ATG10: variants seen among roughly 807,000 people sequenced by gnomAD.
ATG10 encodes the protein autophagy related 10, also known as ubiquitin-like-conjugating enzyme ATG10.
Under a neutral mutation model 32.1 loss-of-function variants are expected in ATG10, and 30 were observed. The ratio of observed to expected loss-of-function variants is 0.94; its 90% CI spans 0.70 to 1.27. The LOEUF (loss-of-function observed/expected upper bound fraction) is 1.27, where lower values mean the gene tolerates loss of function less well. Among genes scored for constraint, ATG10 ranks in the 50% most tolerant of loss-of-function variants. The pLI is 0.00. For missense variants in ATG10, 233 were observed against 262.3 expected, an observed-to-expected ratio of 0.89 and a Z score of 0.77; for synonymous variants, 87 against 91.5, an observed-to-expected ratio of 0.95 and a Z score of 0.28.
intron 3 of ATG10, among the ~76,000 whole-genome samples, chr5:82,106,895 C>T (rs746175381): frequency 2.6e-5 from 4 of 151,770 alleles, no homozygotes; most frequent in African/African-American, 7.3e-5. Context: ...CTGTGGTATC[C>T]GTGGGACCCT....
intron 5 of ATG10, among the ~76,000 whole-genome samples, chr5:82,205,212 A>AACGT (rs1474582786): frequency 2.0e-5 from 3 of 152,184 alleles, no homozygotes; most frequent in African/African-American, 7.2e-5. Context: ...CAGCAACAAC[A>AACGT]ACGTCATTTG....
intron 3 of ATG10, among the ~76,000 whole-genome samples, chr5:82,137,691 G>T (rs575637146): frequency 6.6e-6 from 1 of 152,192 alleles, no homozygotes; most frequent in African/African-American, 2.4e-5. Context: ...AGGCACGGGG[G>T]TCAAGGAGCC....
chr5:82,187,498 G>A (rs1581783426), intron 5 of ATG10, among the ~76,000 whole-genome samples: 1 of 140,648 alleles, frequency 7.1e-6, no homozygotes, highest in Non-Finnish European at 1.5e-5. Flanking sequence ...GGCAGCCTGG[G>A]CAACAGAGTG....
chr5:82,074,384 T>C (rs1764213737), intron 3 of ATG10, among the ~76,000 whole-genome samples: 1 of 152,184 alleles, frequency 6.6e-6, no homozygotes, highest in South Asian at 2.1e-4. Context: ...CTTTTTTCTT[T>C]AAATATGTTA....
rs531038111 is a variant in ATG10 at position 82,002,064 on chromosome 5, A to G, written c.108+14386A>G. On this transcript the variant is annotated intron_variant, in intron 2 of 7. Coordinates refer to ENST00000282185, the MANE Select transcript of ATG10 (RefSeq NM_031482.5). ...ACTCAACATCACTAATCATTAGAGA[A>G]ATGTAAATCAAAACCACAATGAGAT... Among the ~76,000 whole-genome samples the G allele has an allele frequency of 3.7e-4, 57 of 152,360 alleles. 1 individual carries two copies. In the South Asian group the frequency reaches 0.011, roughly 29 times the overall value.
intron 5 of ATG10, among the ~76,000 whole-genome samples, chr5:82,230,997 A>G (rs1424072981): frequency 6.6e-6 from 1 of 152,138 alleles, no homozygotes. Context: ...TTTGAGAAGA[A>G]ATAAACCTTT....
At chr5:82,205,571 G>A (rs1745257153) in intron 5 of ATG10, among the ~76,000 whole-genome samples, 3 of 152,110 alleles carry the variant, frequency 2.0e-5, no homozygotes, top group Admixed American at 1.3e-4. Context: ...GGATTCAGAT[G>A]TATTTTTAGT....
At chr5:82,071,236 G>C (rs1257450786) in intron 3 of ATG10, among the ~76,000 whole-genome samples, 1 of 152,030 alleles carries the variant, frequency 6.6e-6, no homozygotes, top group Non-Finnish European at 1.5e-5. Flanking sequence ...TGATCGTAGG[G>C]GATCTTGGGA....
intron 1 of ATG10, among the ~76,000 whole-genome samples, chr5:81,983,986 G>A (rs1392070081): frequency 3.3e-5 from 5 of 152,222 alleles, no homozygotes; most frequent in South Asian, 2.1e-4. Context: ...AGATGGGATG[G>A]CGGCCGGGCA....
chr5:82,189,507 T>C (rs1400702905), intron 5 of ATG10, among the ~76,000 whole-genome samples: 1 of 152,242 alleles, frequency 6.6e-6, no homozygotes, highest in African/African-American at 2.4e-5. Flanking sequence ...AGTGTTACAC[T>C]AATGTACTCT....
intron 5 of ATG10, among the ~76,000 whole-genome samples, chr5:82,203,625 C>T (rs966333458): frequency 6.6e-6 from 1 of 152,092 alleles, no homozygotes. Context: ...AAAAATTCCA[C>T]TCTAGTTTTT....
At chr5:82,137,736 G>C (rs759941939) in intron 3 of ATG10, among the ~76,000 whole-genome samples, 18 of 152,194 alleles carry the variant, frequency 1.2e-4, no homozygotes, top group Non-Finnish European at 2.4e-4. Context: ...AGCAGAGCTC[G>C]AGTGCTGTGC....
intron 3 of ATG10, among the ~76,000 whole-genome samples, chr5:82,144,371 G>T (rs994687169): frequency 6.6e-6 from 1 of 151,320 alleles, no homozygotes; most frequent in African/African-American, 2.4e-5. Flanking sequence ...TTTGCCCTGG[G>T]TTTACTTTGC....
chr5:82,009,804 A>T, intron 2 of ATG10: 1 of 1,607,168 alleles, frequency 6.2e-7, no homozygotes, highest in South Asian at 1.1e-5. Flanking sequence ...CATGGACAAG[A>T]TGCCAGGACC....
At chr5:82,014,965 C>G (rs1339074683) in intron 2 of ATG10, among the ~76,000 whole-genome samples, 1 of 152,206 alleles carries the variant, frequency 6.6e-6, no homozygotes, top group Non-Finnish European at 1.5e-5. Flanking sequence ...GCAGCTGGTA[C>G]CGGTTGTTCC....
chr5:82,220,992 C>T (rs1745903823), intron 5 of ATG10, among the ~76,000 whole-genome samples: 3 of 152,128 alleles, frequency 2.0e-5, no homozygotes, highest in South Asian at 4.1e-4. Flanking sequence ...CCCCTGACCT[C>T]GTGATCCACC....
chr5:81,983,786 T>C (rs566763825), intron 1 of ATG10, among the ~76,000 whole-genome samples: 30 of 145,454 alleles, frequency 2.1e-4, no homozygotes, highest in African/African-American at 6.7e-4. Context: ...ACTTCTCAGA[T>C]GGGGCGGCCA....
intron 3 of ATG10, among the ~76,000 whole-genome samples, chr5:82,157,374 AT>A (rs1460944162): frequency 1.3e-5 from 2 of 152,150 alleles, no homozygotes; most frequent in African/African-American, 4.8e-5. Flanking sequence ...TGTTAGACAT[AT>A]GTTGAACCCG....
At chr5:82,121,401 T>C (rs2149827407) in intron 3 of ATG10, among the ~76,000 whole-genome samples, 1 of 152,348 alleles carries the variant, frequency 6.6e-6, no homozygotes, top group African/African-American at 2.4e-5. Flanking sequence ...TCACATTGCC[T>C]ACAAGCAGGG....
Sources: allele counts gnomAD v4.1 joint callset (sites outside exome capture counted in the v4.1 genomes callset), GRCh38; gene constraint gnomAD v4.1.1; transcripts MANE v1.5; gene names NCBI Gene and HGNC (gene_info 2026-07-23, HGNC 2026-07-21).